Variants in PTGDR observed in about 807,000 individuals in gnomAD.
PTGDR encodes the protein PGD2 receptor.
In PTGDR, 19 loss-of-function variants were observed where a neutral mutation model predicts 17.4. That is an observed-to-expected ratio of 1.09 (90% CI 0.76 to 1.60). The LOEUF is 1.60. Ranked by LOEUF, PTGDR falls within the 40% of genes most tolerant of loss-of-function variation. The pLI, the probability that PTGDR is intolerant of heterozygous loss-of-function variation, is 0.00. For synonymous variants in PTGDR, 267 were observed against 224.2 expected, an observed-to-expected ratio of 1.19 and a Z score of -1.71; for missense variants, 526 against 481.9, an observed-to-expected ratio of 1.09 and a Z score of -0.86.
rs939098796 is a variant in PTGDR, at chr14:52,267,737, C to CG, written c.-73dup. On this transcript the variant is annotated 5_prime_UTR_variant, in exon 1 of 2. Transcript: ENST00000306051. ...CCGCCCGAGCCGCGCGCGGAGCTGC[C>CG]GGGGGCTCCTTAGCACCCGGGCGCC... 2 of 1,448,578 alleles carry CG rather than the reference C, an allele frequency of 1.4e-6. No individual in the cohort carries two copies. Among genetic ancestry groups the CG allele is most frequent in the African/African-American group, 2.9e-5 (2 of 69,400 alleles). 89.7% of individuals were successfully genotyped at this position (1,448,578 alleles called of 1,614,324 possible). A position where few individuals can be genotyped will look rare whatever the true frequency, so the allele number is the denominator to read the frequency against.
chr14:52,268,743 A>G (rs547987432), intron 1 of PTGDR, 83 bp downstream of exon 1: 3 of 1,419,930 alleles, frequency 2.1e-6, no homozygotes, highest in African/African-American at 1.4e-5. Flanking sequence ...GCGGATCGGG[A>G]TGGACGCGGC....
Position 52,268,517 on chromosome 14 carries a change from C to T in PTGDR, c.703C>T (p.His235Tyr). The change falls in exon 1 of 2, where the codon CAC becomes TAC. Residue 235 changes from histidine (H) to tyrosine (Y), a missense_variant. By Grantham distance (83) the His-to-Tyr change is moderately conservative. Coordinates refer to ENST00000306051, the MANE Select transcript of PTGDR (RefSeq NM_000953.3). ...TGCGATGCACCGGCGGCTGCAGCGG[C>T]ACCCGCGCTCCTGCACCAGGGACTG... is the stretch of plus-strand genomic sequence containing the variant. ...LYAMHRRLQRHPRSCTRDCAE... is the reference protein window; with the variant it reads ...LYAMHRRLQRYPRSCTRDCAE... 6.2e-7 allele frequency: 1 copy of T among 1,611,562 alleles called. No homozygotes were observed. The highest frequency in any genetic ancestry group is 8.5e-7 in the Non-Finnish European group (1 of 1,179,650).
At chr14:52,269,657 A>AT in intron 1 of PTGDR, 1 of 852,262 alleles carries the variant, frequency 1.2e-6, no homozygotes, top group Admixed American at 2.8e-5. Context: ...GAATGTAGCC[A>AT]TTTTGGATAT....
At position 52,275,140 on chromosome 14, in the gene PTGDR, T is replaced by C; in HGVS notation, c.*176T>C. Reference sequence around the variant, plus strand: ...ATATCTTAACAATGTGTTACCATTCTATAGTCATGAACCCCTTCAGTGCAT... The same window carrying C: ...ATATCTTAACAATGTGTTACCATTCCATAGTCATGAACCCCTTCAGTGCAT... On this transcript the variant is annotated 3_prime_UTR_variant, in exon 2 of 2. Coordinates refer to ENST00000306051, the MANE Select transcript of PTGDR (RefSeq NM_000953.3). 5.0e-6 allele frequency: 3 copies of C among 601,880 alleles called. No homozygotes were observed. The highest frequency in any genetic ancestry group is 8.6e-6 in the Non-Finnish European group (3 of 349,822). 37.3% of individuals were successfully genotyped at this position (601,880 alleles called of 1,614,324 possible).
intron 1 of PTGDR, among the ~76,000 whole-genome samples, chr14:52,270,572 A>G (rs1390160555): frequency 6.6e-6 from 1 of 152,146 alleles, no homozygotes; most frequent in Non-Finnish European, 1.5e-5. Context: ...TTATTAATAC[A>G]TTTTGAATTC....
Position 52,274,999 on chromosome 14 carries a change from T to C in PTGDR, c.*35T>C. 1.4e-6 allele frequency: 2 copies of C among 1,408,100 alleles called. No individual in the cohort carries two copies. The highest frequency in any genetic ancestry group is 2.0e-6 in the Non-Finnish European group (2 of 1,022,704). The allele number at this position is 1,408,100 out of a possible 1,614,324, so 87.2% of individuals were successfully genotyped here. ...TCACTCTGTGGTAAGCTGAGGAATA[T>C]GTCACATTTTCAGTCAAAGAACCAT... is the stretch of plus-strand genomic sequence containing the variant. On this transcript the variant is annotated 3_prime_UTR_variant, in exon 2 of 2. Transcript: ENST00000306051.
chr14:52,280,677 T>G (rs1164218292), downstream of PTGDR, among the ~76,000 whole-genome samples: 6 of 152,232 alleles, frequency 3.9e-5, no homozygotes, highest in Non-Finnish European at 8.8e-5. Context: ...TCTGATTGTT[T>G]CCTCTGCTCT....
At chr14:52,268,995 A>G (rs1255281494) in intron 1 of PTGDR, among the ~76,000 whole-genome samples, 1 of 152,088 alleles carries the variant, frequency 6.6e-6, no homozygotes, top group Non-Finnish European at 1.5e-5. Flanking sequence ...GCGCCTTAGG[A>G]GGAGCAGAAC....
At chr14:52,277,544 T>C (rs1226966830), downstream of PTGDR, among the ~76,000 whole-genome samples, 2 of 152,212 alleles carry the variant, frequency 1.3e-5, no homozygotes, top group African/African-American at 4.8e-5. Context: ...AGAACATTCA[T>C]GTTCCCCTGG....
At chr14:52,271,135 CTTG>C (rs557789604) in intron 1 of PTGDR, among the ~76,000 whole-genome samples, 287 of 152,252 alleles carry the variant, frequency 1.9e-3, no homozygotes, top group Admixed American at 4.3e-3. Context: ...TATAACCATA[CTTG>C]TTTTGTAAGA....
chr14:52,272,663 G>C (rs2033343480), intron 1 of PTGDR, among the ~76,000 whole-genome samples: 1 of 152,146 alleles, frequency 6.6e-6, no homozygotes, highest in South Asian at 2.1e-4. Context: ...TAACACAACA[G>C]ACCTTGCCCT....
chr14:52,268,938 A>T (rs803009), intron 1 of PTGDR, among the ~76,000 whole-genome samples: 26,934 of 151,930 alleles, frequency 0.18, 2,604 homozygotes, highest in Non-Finnish European at 0.22. Context: ...ATGTGGCAGA[A>T]CTCCCTCCTC....
Position 52,270,188 on chromosome 14 carries a change from A to G in PTGDR, c.846+1528A>G, listed in dbSNP as rs149368102. Among the ~76,000 whole-genome samples, 67 of 152,334 alleles carry G rather than the reference A, an allele frequency of 4.4e-4. 3 individuals carry two copies. In the East Asian group the frequency reaches 9.0e-3, roughly 21 times the overall value. On this transcript the variant is annotated intron_variant, in intron 1 of 1. Coordinates refer to ENST00000306051, the MANE Select transcript of PTGDR (RefSeq NM_000953.3). The stretch of plus-strand genomic sequence containing the variant: ...TTGAGCTTCAATTGAGCCAAATACT[A>G]TTTCAAGAAAAATACTGTTCCAAGA...
At chr14:52,270,740 T>C (rs1404296093) in intron 1 of PTGDR, among the ~76,000 whole-genome samples, 1 of 152,216 alleles carries the variant, frequency 6.6e-6, no homozygotes, top group Non-Finnish European at 1.5e-5. Flanking sequence ...GCCTCACTTA[T>C]CTATGCTGTG....
rs201934106 is a variant in PTGDR, at chr14:52,267,994, C to A, written c.180C>A (p.Val60=). ...SRRPLRPLPS[V]FYMLVCGLTV... is the part of the protein sequence containing the mutation. Reference sequence around the variant, plus strand: ...GTCCACTGCGCCCGCTGCCCTCGGTCTTCTACATGCTGGTGTGTGGCCTGA... The same window carrying A: ...GTCCACTGCGCCCGCTGCCCTCGGTATTCTACATGCTGGTGTGTGGCCTGA... Residue 60 remains valine (V), a synonymous_variant, in exon 1 of 2, where the codon GTC becomes GTA. Transcript: ENST00000306051. 12 of 1,609,770 alleles carry A rather than the reference C, an allele frequency of 7.5e-6. No individual in the cohort carries two copies. Among genetic ancestry groups the A allele is most frequent in the Non-Finnish European group, 9.3e-6 (11 of 1,179,980 alleles).
At position 52,274,947 on chromosome 14, in the gene PTGDR, A is replaced by G. The variant is rs200003498; in HGVS notation, c.1063A>G (p.Met355Val). 1.3e-6 allele frequency: 2 copies of G among 1,572,924 alleles called. No individual in the cohort carries two copies. The highest frequency in any genetic ancestry group is 1.4e-5 in the African/African-American group (1 of 73,992). ...YRSRCSNSTNMESSL is the reference protein window; with the variant it reads ...YRSRCSNSTNVESSL ...GAGCCGGTGCAGCAATTCCACTAAC[A>G]TGGAATCCAGTCTGTGACAGTGTTT... is the stretch of plus-strand genomic sequence containing the variant. The change falls in exon 2 of 2, where the codon ATG becomes GTG. Residue 355 changes from methionine to valine, a missense_variant. Met to Val is a conservative substitution (Grantham distance 21). Transcript: ENST00000306051.
At chr14:52,270,893 G>A (rs2033312052) in intron 1 of PTGDR, among the ~76,000 whole-genome samples, 2 of 152,110 alleles carry the variant, frequency 1.3e-5, no homozygotes, top group South Asian at 4.1e-4. Context: ...TAACTCCTAG[G>A]GTATTGTGAG....
rs1266156446 is a variant in PTGDR, at chr14:52,268,793, T to G, written c.846+133T>G. 4 of 972,672 alleles carry G rather than the reference T, an allele frequency of 4.1e-6. No homozygotes were observed. In the African/African-American group the frequency reaches 6.5e-5, roughly 16 times the overall value. The allele number at this position is 972,672 out of a possible 1,614,324, so 60.3% of individuals were successfully genotyped here. On this transcript the variant is annotated intron_variant, in intron 1 of 1. Transcript: ENST00000306051. ...GCCCTGGGCCAGGAAGGTTTGCTGC[T>G]GAGTTCCCCAAATTGGATTCCTTCC...
At position 52,275,135 on chromosome 14, in the gene PTGDR, C is replaced by A; in HGVS notation, c.*171C>A. 1 of 611,724 alleles carries A rather than the reference C, an allele frequency of 1.6e-6. No individual in the cohort carries two copies. The highest frequency in any genetic ancestry group is 2.8e-6 in the Non-Finnish European group (1 of 357,556). The allele number at this position is 611,724 out of a possible 1,614,324, so 37.9% of individuals were successfully genotyped here. A position where few individuals can be genotyped will look rare whatever the true frequency, so the allele number is the denominator to read the frequency against. On this transcript the variant is annotated 3_prime_UTR_variant, in exon 2 of 2. Transcript: ENST00000306051. ...ATTTGATATCTTAACAATGTGTTAC[C>A]ATTCTATAGTCATGAACCCCTTCAG...
Sources: allele counts gnomAD v4.1 joint callset (sites outside exome capture counted in the v4.1 genomes callset), GRCh38; gene constraint gnomAD v4.1.1; transcripts MANE v1.5; gene names NCBI Gene and HGNC (gene_info 2026-07-23, HGNC 2026-07-21).